The following ARHGAP26 variants were observed in gnomAD, a reference collection of about 807,000 sequenced individuals.
ARHGAP26 encodes Rho GTPase activating protein 26, also known as rho GTPase-activating protein 26.
A neutral mutation model predicts 104.8 loss-of-function variants in ARHGAP26; 38 were observed. That is an observed-to-expected ratio of 0.36 (90% CI 0.28 to 0.48). The LOEUF (loss-of-function observed/expected upper bound fraction) is 0.48. Ranked by LOEUF, ARHGAP26 falls within the 20% of genes least tolerant of loss-of-function variation. The probability of loss-of-function intolerance (pLI) is 0.99; values close to 1 mark genes in which losing one functional copy is unlikely to be tolerated. For synonymous variants in ARHGAP26, 341 were observed against 340.0 expected (o/e 1.00, Z -0.03); for missense variants, 704 against 947.9 (o/e 0.74, Z 3.38).
At chr5:142,872,344 C>T (rs1338469485) in intron 1 of ARHGAP26, among the ~76,000 whole-genome samples, 1 of 152,162 alleles carries the variant, frequency 6.6e-6, no homozygotes, top group African/African-American at 2.4e-5. Flanking sequence ...CCCCCACCAC[C>T]CATATCTTAT....
chr5:143,202,580 A>G (rs980623149), intron 20 of ARHGAP26: 1 of 152,210 alleles, frequency 6.6e-6, no homozygotes, highest in East Asian at 1.9e-4. Flanking sequence ...AAACTACTTT[A>G]AATTTCATAT....
At chr5:143,037,024 A>G (rs756218460) in intron 12 of ARHGAP26, among the ~76,000 whole-genome samples, 172 bp from the exon 13 acceptor site, 8 of 152,188 alleles carry the variant, frequency 5.3e-5, no homozygotes, top group Non-Finnish European at 1.2e-4. Flanking sequence ...AAAGCTCTCA[A>G]TCAATGCCAG....
At chr5:142,772,736 G>T in intron 1 of ARHGAP26, 1 of 533,366 alleles carries the variant, frequency 1.9e-6, no homozygotes, top group Non-Finnish European at 3.8e-6. Flanking sequence ...TGGAGTCCCT[G>T]CCAGTGCAGA....
At chr5:142,821,419 T>C (rs1391068387) in intron 1 of ARHGAP26, among the ~76,000 whole-genome samples, 2 of 146,986 alleles carry the variant, frequency 1.4e-5, no homozygotes, top group African/African-American at 4.9e-5. Flanking sequence ...TGTATTCCCA[T>C]ACCTGCAAGT....
rs192437372 is a variant in ARHGAP26 at position 143,129,584 on chromosome 5, T to G, written c.1699-4383T>G. 1.8e-4 allele frequency among the ~76,000 whole-genome samples: 27 copies of G among 152,332 alleles called. No homozygotes were observed. The East Asian group carries it at 5.2e-3, about 29-fold the overall frequency. On this transcript the variant is annotated intron_variant, in intron 18 of 22. Transcript: ENST00000645722. ...CAAGCCATCTAGGTCCCAGTCCAGC[T>G]GCACTCCTTATCTATGTGACCTTGG...
intron 1 of ARHGAP26, among the ~76,000 whole-genome samples, chr5:142,773,351 T>G (rs1480233431): frequency 6.6e-6 from 1 of 152,248 alleles, no homozygotes; most frequent in Non-Finnish European, 1.5e-5. Context: ...CCATATTTTA[T>G]TTTATTTTAC....
At chr5:142,794,491 C>T (rs10056296) in intron 1 of ARHGAP26, among the ~76,000 whole-genome samples, 2,524 of 152,232 alleles carry the variant, frequency 0.017, 71 homozygotes, top group African/African-American at 0.056. Flanking sequence ...TGGTTGTTAC[C>T]CACATTTGAA....
chr5:142,938,515 C>T (rs908764034), intron 11 of ARHGAP26, among the ~76,000 whole-genome samples: 8 of 152,164 alleles, frequency 5.3e-5, no homozygotes, highest in African/African-American at 1.4e-4. Flanking sequence ...GTTTCTTTGG[C>T]GAGTTTCCAA....
At chr5:143,172,961 T>C (rs17209139) in intron 20 of ARHGAP26, 13,215 of 180,068 alleles carry the variant, frequency 0.073, 547 homozygotes, top group Middle Eastern at 0.1. Flanking sequence ...CTCCATAGGG[T>C]TCATGCGAGT....
intron 11 of ARHGAP26, among the ~76,000 whole-genome samples, chr5:143,011,961 A>G (rs1270059541): frequency 2.0e-5 from 3 of 152,238 alleles, no homozygotes; most frequent in East Asian, 3.8e-4. Context: ...TGATGTTCAC[A>G]TCAGCTCTGG....
At chr5:142,932,229 T>A in intron 11 of ARHGAP26, 104 bp downstream of exon 11, 1 of 1,037,934 alleles carries the variant, frequency 9.6e-7, no homozygotes, top group Non-Finnish European at 1.5e-6. Flanking sequence ...CTTGGGTTCT[T>A]GAAACCAGTG....
intron 10 of ARHGAP26, among the ~76,000 whole-genome samples, chr5:142,928,409 A>G (rs952454994): frequency 2.0e-5 from 3 of 152,184 alleles, no homozygotes; most frequent in Non-Finnish European, 2.9e-5. Context: ...CATATTTATG[A>G]AGCACTTTAG....
At chr5:142,864,312 GAT>G (rs1753874537) in intron 1 of ARHGAP26, among the ~76,000 whole-genome samples, 1 of 152,190 alleles carries the variant, frequency 6.6e-6, no homozygotes, top group South Asian at 2.1e-4. Flanking sequence ...AGGATTTGAT[GAT>G]AGCACTGTTT....
intron 20 of ARHGAP26, among the ~76,000 whole-genome samples, chr5:143,205,996 A>C (rs1356447141): frequency 6.6e-6 from 1 of 152,240 alleles, no homozygotes; most frequent in Non-Finnish European, 1.5e-5. Flanking sequence ...CTCTCTGATG[A>C]ACTCACACTG....
At chr5:143,164,735 G>GTTATGA in intron 20 of ARHGAP26, among the ~76,000 whole-genome samples, 1 of 152,310 alleles carries the variant, frequency 6.6e-6, no homozygotes, top group South Asian at 2.1e-4. Context: ...CATAACCTGA[G>GTTATGA]TGTTCCTGAT....
At chr5:143,178,699 A>G (rs1326769813) in intron 20 of ARHGAP26, among the ~76,000 whole-genome samples, 1 of 152,158 alleles carries the variant, frequency 6.6e-6, no homozygotes, top group Non-Finnish European at 1.5e-5. Context: ...TGAGAGCTTC[A>G]CATTTCCTCA....
intron 11 of ARHGAP26, among the ~76,000 whole-genome samples, chr5:142,942,421 G>T (rs923805221): frequency 2.6e-5 from 4 of 152,118 alleles, no homozygotes; most frequent in Admixed American, 2.6e-4. Context: ...TAAGATATCT[G>T]GGCAGGTGTG....
intron 17 of ARHGAP26, among the ~76,000 whole-genome samples, chr5:143,120,351 G>A (rs1280877498): frequency 6.6e-6 from 1 of 152,140 alleles, no homozygotes; most frequent in Non-Finnish European, 1.5e-5. Flanking sequence ...TTGAGTGTAA[G>A]TGACAATATA....
chr5:142,781,170 A>C (rs779514562), intron 1 of ARHGAP26, among the ~76,000 whole-genome samples: 1 of 152,162 alleles, frequency 6.6e-6, no homozygotes, highest in Admixed American at 6.5e-5. Context: ...GGGAAAGGCA[A>C]CTGAAGGCTT....
Sources: allele counts gnomAD v4.1 joint callset (sites outside exome capture counted in the v4.1 genomes callset), GRCh38; gene constraint gnomAD v4.1.1; transcripts MANE v1.5; gene names NCBI Gene and HGNC (gene_info 2026-07-23, HGNC 2026-07-21).